The following ZC3HC1 variants were observed in gnomAD, a reference collection of about 807,000 sequenced individuals.
ZC3HC1 encodes zinc finger C3HC-type protein 1.
In ZC3HC1, 38 loss-of-function variants were observed where a neutral mutation model predicts 61.9. The observed-to-expected ratio is 0.61, with a 90% CI of 0.47 to 0.81. The LOEUF is 0.81. ZC3HC1 is among the 30% of genes least tolerant of loss of function. The pLI is 0.00. For synonymous variants in ZC3HC1, 213 were observed against 229.9 expected, an observed-to-expected ratio of 0.93 and a Z score of 0.67; for missense variants, 554 against 622.7, an observed-to-expected ratio of 0.89 and a Z score of 1.17.
intron 4 of ZC3HC1, among the ~76,000 whole-genome samples, chr7:130,032,001 G>A (rs567721131): frequency 2.6e-5 from 4 of 152,250 alleles, no homozygotes; most frequent in South Asian, 2.1e-4. Flanking sequence ...CGAGGTGGGC[G>A]GATCACGAGG....
intron 1 of ZC3HC1, 89 bp downstream of exon 1, chr7:130,051,132 C>T: frequency 6.7e-7 from 1 of 1,491,258 alleles, no homozygotes; most frequent in Non-Finnish European, 8.9e-7. Flanking sequence ...GAGTCGCCGA[C>T]CGAGGGGAAC....
At chr7:130,026,057 G>A (rs1017033939) in intron 6 of ZC3HC1, 101 bp downstream of exon 6, 42 of 1,356,336 alleles carry the variant, frequency 3.1e-5, no homozygotes, top group Non-Finnish European at 3.8e-5. Flanking sequence ...TTTTTCTCAC[G>A]GGAAACACCA....
intron 9 of ZC3HC1, among the ~76,000 whole-genome samples, chr7:130,021,423 C>G (rs568961249): frequency 6.6e-6 from 1 of 152,276 alleles, no homozygotes; most frequent in African/African-American, 2.4e-5. Flanking sequence ...TTTCATGGTT[C>G]CATATTACCC....
At chr7:130,035,948 G>A (rs866530312) in intron 4 of ZC3HC1, among the ~76,000 whole-genome samples, 4 of 152,116 alleles carry the variant, frequency 2.6e-5, no homozygotes, top group Admixed American at 6.6e-5. Flanking sequence ...TAACCCTCTG[G>A]CTTGCTACTT....
rs1284747007 is a variant in ZC3HC1 at position 130,051,279 on chromosome 7, G to C, written c.88C>G (p.Gln30Glu). Residue 30 changes from glutamine to glutamate, a missense_variant, in exon 1 of 10, where the codon CAG becomes GAG. Transcript: ENST00000358303. ...TCATCTATCAGCTGCCGGATTTTCT[G>C]GGGGGTCCCTTCTGGGGAGCGAACT... ...AVVRSPEGTP[Q>E]KIRQLIDEGI... 2.5e-6 allele frequency: 4 copies of C among 1,612,070 alleles called. No homozygotes were observed. Among genetic ancestry groups the C allele is most frequent in the Non-Finnish European group, 3.4e-6 (4 of 1,179,072 alleles).
Position 130,023,416 on chromosome 7 carries a change from C to G in ZC3HC1, c.1233+95G>C. 1.6e-6 allele frequency: 2 copies of G among 1,218,924 alleles called. No homozygotes were observed. Among genetic ancestry groups the G allele is most frequent in the South Asian group, 2.8e-5 (2 of 70,604 alleles). The allele number at this position is 1,218,924 out of a possible 1,614,324, so 75.5% of individuals were successfully genotyped here. ...CACATGGTCTACTTTTTGCATTGGACCACGGAAGGGCTCCTGCCTGCTTCT... is the reference window on the plus strand; with the variant it reads ...CACATGGTCTACTTTTTGCATTGGAGCACGGAAGGGCTCCTGCCTGCTTCT... On this transcript the variant is annotated intron_variant, in intron 8 of 9. Transcript: ENST00000358303. This position sits in a 1 kb window ranked among gnomAD's most constrained non-coding sequence, Gnocchi z 4.2.
chr7:130,041,436 A>G (rs951628494), intron 2 of ZC3HC1, among the ~76,000 whole-genome samples: 3 of 151,540 alleles, frequency 2.0e-5, no homozygotes, highest in East Asian at 1.9e-4. Context: ...TGATCTGCCC[A>G]CCTTGGCCTC....
chr7:130,021,942 A>T lies in ZC3HC1; in HGVS notation c.1440+377T>A, dbSNP rs1033054793. ...GTAATCCCAGCACTTTGGGAGGCCG[A>T]GGCGGGGGGATCACCTGAGGTCAGG... On this transcript the variant is annotated intron_variant, in intron 9 of 9. Transcript: ENST00000358303. 2.7e-4 allele frequency among the ~76,000 whole-genome samples: 41 copies of T among 152,252 alleles called. No homozygotes were observed. In the East Asian group the frequency reaches 2.7e-3, roughly 10 times the overall value.
chr7:130,026,090 T>G, intron 6 of ZC3HC1, 68 bp downstream of exon 6: 1 of 1,464,776 alleles, frequency 6.8e-7, no homozygotes, highest in Non-Finnish European at 9.2e-7. Flanking sequence ...ATACGATTAG[T>G]GACTGATATA....
intron 4 of ZC3HC1, among the ~76,000 whole-genome samples, chr7:130,032,917 G>A (rs548644489): frequency 4.6e-5 from 7 of 152,120 alleles, no homozygotes; most frequent in Non-Finnish European, 1.0e-4. Context: ...AAATATATCA[G>A]TGCTCTCCTG....
intron 2 of ZC3HC1, among the ~76,000 whole-genome samples, chr7:130,042,470 C>G (rs1794715786): frequency 1.3e-5 from 2 of 152,066 alleles, no homozygotes; most frequent in Non-Finnish European, 2.9e-5. Context: ...ATATTTTCTG[C>G]CATTCACCTA....
In ZC3HC1 at chr7:130,050,752, CTT is replaced by C. The variant is rs549167216; in HGVS notation, c.146+467_146+468del. Among the ~76,000 whole-genome samples the C allele has an allele frequency of 5.4e-3, 823 of 152,296 alleles. 6 individuals are homozygous for C. Among genetic ancestry groups the C allele is most frequent in the African/African-American group, 0.019 (776 of 41,574 alleles). ...CACATACTACTAGATATTATGGACT[CTT>C]TAATAAAAAGCATTGTTACTGCGTA... On this transcript the variant is annotated intron_variant, in intron 1 of 9. Coordinates refer to ENST00000358303, the MANE Select transcript of ZC3HC1 (RefSeq NM_016478.5).
chr7:130,051,270 G>T lies in ZC3HC1; in HGVS notation c.97C>A (p.Arg33=), dbSNP rs1224210939. The T allele has an allele frequency of 4.3e-6, 7 of 1,611,802 alleles. No homozygotes were observed. The highest frequency in any genetic ancestry group is 5.1e-6 in the Non-Finnish European group (6 of 1,178,972). Residue 33 remains arginine, a synonymous_variant, in exon 1 of 10, where the codon CGG becomes AGG. Transcript: ENST00000358303. ...RSPEGTPQKI[R]QLIDEGIAPE... Reference sequence around the variant, plus strand: ...GCAATCCCCTCATCTATCAGCTGCCGGATTTTCTGGGGGGTCCCTTCTGGG... The same window carrying T: ...GCAATCCCCTCATCTATCAGCTGCCTGATTTTCTGGGGGGTCCCTTCTGGG...
At chr7:130,034,450 A>G (rs183020711) in intron 4 of ZC3HC1, among the ~76,000 whole-genome samples, 1 of 121,260 alleles carries the variant, frequency 8.2e-6, no homozygotes, top group East Asian at 2.8e-4. Context: ...CTGCCACTGC[A>G]CTCTAGCCTG....
At chr7:130,049,538 C>T (rs1323691436) in intron 1 of ZC3HC1, among the ~76,000 whole-genome samples, 1 of 149,056 alleles carries the variant, frequency 6.7e-6, no homozygotes, top group Admixed American at 6.7e-5. Context: ...TGAATCTCTT[C>T]AGAAATTCGA....
intron 8 of ZC3HC1, chr7:130,022,990 T>C (rs1485386107): frequency 5.4e-6 from 1 of 184,084 alleles, no homozygotes; most frequent in African/African-American, 2.4e-5. Flanking sequence ...TCATGATCTG[T>C]CACTGTTTCC....
chr7:130,028,831 A>T, intron 5 of ZC3HC1, 71 bp downstream of exon 5: 3 of 1,557,392 alleles, frequency 1.9e-6, no homozygotes, highest in Non-Finnish European at 2.6e-6. Flanking sequence ...TCTTGTCATT[A>T]AAAGAAATGC....
intron 2 of ZC3HC1, among the ~76,000 whole-genome samples, chr7:130,047,281 C>T (rs1053134650): frequency 5.9e-5 from 9 of 151,828 alleles, no homozygotes; most frequent in Non-Finnish European, 7.4e-5. Flanking sequence ...TTTTTAGTAG[C>T]GTCAGGGTTT....
chr7:130,032,968 G>T (rs1563079601), intron 4 of ZC3HC1, among the ~76,000 whole-genome samples: 1 of 152,160 alleles, frequency 6.6e-6, no homozygotes, highest in African/African-American at 2.4e-5. Context: ...TTATTAGCCA[G>T]GTGGCACTTG....
Sources: allele counts gnomAD v4.1 joint callset (sites outside exome capture counted in the v4.1 genomes callset), GRCh38; gene constraint gnomAD v4.1.1; non-coding constraint Gnocchi (gnomAD v3.1); transcripts MANE v1.5; gene names NCBI Gene and HGNC (gene_info 2026-07-23, HGNC 2026-07-21).